The following MAPKAPK2 variants were observed in gnomAD, a reference collection of about 807,000 sequenced individuals.
MAPKAPK2 encodes the protein MAP kinase-activated protein kinase 2.
Under a neutral mutation model 48.8 loss-of-function variants are expected in MAPKAPK2, and 9 were observed. That is an observed-to-expected ratio of 0.18 (90% CI 0.11 to 0.32). The LOEUF (loss-of-function observed/expected upper bound fraction) is 0.32. MAPKAPK2 is among the 10% of genes least tolerant of loss of function. The pLI is 1.00. For missense variants in MAPKAPK2, 331 were observed against 498.3 expected (o/e 0.66, Z 3.20); for synonymous variants, 202 against 190.6 (o/e 1.06, Z -0.49).
intron 2 of MAPKAPK2, 64 bp downstream of exon 2, chr1:206,728,913 C>T: frequency 6.2e-7 from 1 of 1,612,022 alleles, no homozygotes; most frequent in Non-Finnish European, 8.5e-7. Flanking sequence ...GCACCTTACC[C>T]TCTGAGGACA....
chr1:206,729,227 G>A, intron 3 of MAPKAPK2, 128 bp downstream of exon 3: 1 of 1,181,494 alleles, frequency 8.5e-7, no homozygotes, highest in Non-Finnish European at 1.3e-6. Flanking sequence ...TGCTGCAAGG[G>A]GTGCCTCAGC....
At chr1:206,705,621 A>T (rs1461767325) in intron 1 of MAPKAPK2, among the ~76,000 whole-genome samples, 2 of 152,194 alleles carry the variant, frequency 1.3e-5, no homozygotes, top group Admixed American at 1.3e-4. Flanking sequence ...GGTGGGCTGG[A>T]TGCTTTCTCC....
chr1:206,685,394 G>C lies in MAPKAPK2; in HGVS notation c.165G>C (p.Lys55Asn), dbSNP rs1553425424. ...QFHVKSGLQI[K>N]KNAIIDDYKV... Reference sequence around the variant, plus strand: ...ACGTCAAGTCCGGCCTGCAGATCAAGAAGAACGCCATCATCGATGACTACA... The same window carrying C: ...ACGTCAAGTCCGGCCTGCAGATCAACAAGAACGCCATCATCGATGACTACA... The change falls in exon 1 of 10, where the codon AAG (lysine) becomes AAC (asparagine). Residue 55 changes from lysine (K) to asparagine (N), a missense_variant. By Grantham distance (94) the Lys-to-Asn change is moderately conservative. Coordinates refer to ENST00000367103, the MANE Select transcript of MAPKAPK2 (RefSeq NM_032960.4). 6.6e-7 allele frequency: 1 copy of C among 1,514,906 alleles called. No individual in the cohort carries two copies. Among genetic ancestry groups the C allele is most frequent in the African/African-American group, 1.4e-5 (1 of 69,258 alleles). 93.8% of individuals were successfully genotyped at this position (1,514,906 alleles called of 1,614,324 possible).
At position 206,686,152 on chromosome 1, in the gene MAPKAPK2, G is replaced by A. The variant is rs953472475; in HGVS notation, c.279+644G>A. On this transcript the variant is annotated intron_variant, in intron 1 of 9. Transcript: ENST00000367103. ...GATCCCGGAGCTGGCCCCCTCAGCT[G>A]GCCCCCTCCCACGCCCGCGCGGGGC... is the stretch of plus-strand genomic sequence containing the variant. Among the ~76,000 whole-genome samples the A allele has an allele frequency of 9.9e-5, 15 of 152,222 alleles. No individual in the cohort carries two copies. In the East Asian group the frequency reaches 2.9e-3, roughly 30 times the overall value.
intron 1 of MAPKAPK2, among the ~76,000 whole-genome samples, chr1:206,690,157 G>C (rs1322842371): frequency 6.6e-6 from 1 of 152,224 alleles, no homozygotes; most frequent in Admixed American, 6.5e-5. Flanking sequence ...TGTTTGAGGG[G>C]CATGAAGGTG....
chr1:206,691,283 C>A (rs1672446185), intron 1 of MAPKAPK2, among the ~76,000 whole-genome samples: 1 of 151,828 alleles, frequency 6.6e-6, no homozygotes, highest in Non-Finnish European at 1.5e-5. Context: ...GACTGTAGAC[C>A]TGGTGGAGCA....
intron 1 of MAPKAPK2, among the ~76,000 whole-genome samples, chr1:206,687,252 G>C (rs1278852745): frequency 1.3e-5 from 2 of 152,204 alleles, no homozygotes; most frequent in Admixed American, 1.3e-4. Flanking sequence ...CTGTTTAATA[G>C]ACACACGCAC....
chr1:206,686,647 C>A (rs1553425651), intron 1 of MAPKAPK2, among the ~76,000 whole-genome samples: 1 of 152,188 alleles, frequency 6.6e-6, no homozygotes, highest in East Asian at 1.9e-4. Flanking sequence ...CTTCAGCCCC[C>A]ACAGCGAGCT....
At chr1:206,711,140 T>G (rs1673128140) in intron 1 of MAPKAPK2, among the ~76,000 whole-genome samples, 1 of 152,268 alleles carries the variant, frequency 6.6e-6, no homozygotes. Flanking sequence ...TGAATACACA[T>G]GCACACATGC....
chr1:206,733,230 C>G lies in MAPKAPK2; in HGVS notation c.*512C>G, dbSNP rs1224473887. 1.2e-5 allele frequency: 2 copies of G among 161,190 alleles called. No homozygotes were observed. Among genetic ancestry groups the G allele is most frequent in the Admixed American group, 6.0e-5 (1 of 16,596 alleles). 10.0% of individuals were successfully genotyped at this position (161,190 alleles called of 1,614,324 possible). ...GAGGAGGATGCCACGCACTTCCTCT[C>G]TCGGAGCCCTCAGACATCTCCAGTG... On this transcript the variant is annotated 3_prime_UTR_variant, in exon 10 of 10. Transcript: ENST00000367103.
intron 1 of MAPKAPK2, among the ~76,000 whole-genome samples, chr1:206,701,830 CTAA>C (rs1317890960): frequency 1.1e-4 from 9 of 80,208 alleles, no homozygotes; most frequent in African/African-American, 3.2e-4. Flanking sequence ...GACCCTGTCT[CTAA>C]AAAAAAAAAA....
At position 206,731,446 on chromosome 1, in the gene MAPKAPK2, G is replaced by T. The variant is rs1230300929; in HGVS notation, c.892+184G>T. 4 of 1,255,160 alleles carry T rather than the reference G, an allele frequency of 3.2e-6. No homozygotes were observed. The highest frequency in any genetic ancestry group is 4.4e-6 in the Non-Finnish European group (4 of 898,878). 77.8% of individuals were successfully genotyped at this position (1,255,160 alleles called of 1,614,324 possible). A position where few individuals can be genotyped will look rare whatever the true frequency, so the allele number is the denominator to read the frequency against. On this transcript the variant is annotated intron_variant, in intron 7 of 9. Coordinates refer to ENST00000367103, the MANE Select transcript of MAPKAPK2 (RefSeq NM_032960.4). This position sits in a 1 kb window ranked among gnomAD's most constrained non-coding sequence, Gnocchi z 5.9. ...ATTTTGCCTGTGTGGAGGGCTGGAG[G>T]CAGGGCCAAGGCTGTGGGGCTGTGC...
intron 1 of MAPKAPK2, among the ~76,000 whole-genome samples, chr1:206,687,114 G>A (rs1015809958): frequency 6.6e-6 from 1 of 152,158 alleles, no homozygotes. Context: ...AGTGTTTGCT[G>A]TCCCCTCTGA....
intron 1 of MAPKAPK2, among the ~76,000 whole-genome samples, chr1:206,693,957 C>T (rs1351808372): frequency 6.6e-6 from 1 of 152,190 alleles, no homozygotes; most frequent in Non-Finnish European, 1.5e-5. Context: ...GTTTCTTCTA[C>T]CTCTTGACTG....
At chr1:206,716,886 G>A (rs1244401636) in intron 1 of MAPKAPK2, among the ~76,000 whole-genome samples, 1 of 151,744 alleles carries the variant, frequency 6.6e-6, no homozygotes, top group Admixed American at 6.6e-5. Flanking sequence ...GGAACATTTA[G>A]GGTGTTTCCT....
intron 1 of MAPKAPK2, among the ~76,000 whole-genome samples, chr1:206,691,200 G>A (rs1222477586): frequency 6.6e-6 from 1 of 152,080 alleles, no homozygotes; most frequent in African/African-American, 2.4e-5. Flanking sequence ...GTCAGCATCC[G>A]AGCCACATCT....
chr1:206,704,455 C>G lies in MAPKAPK2; in HGVS notation c.279+18947C>G, dbSNP rs1553428309. Among the ~76,000 whole-genome samples, 1 of 152,212 alleles carries G rather than the reference C, an allele frequency of 6.6e-6. No homozygotes were observed. The highest frequency in any genetic ancestry group is 2.4e-5 in the African/African-American group (1 of 41,460). ...TGATGGTTATGGTGGTGACTTCTCA[C>G]TGACTGCTGATGTGTACAGTACATT... On this transcript the variant is annotated intron_variant, in intron 1 of 9. Coordinates refer to ENST00000367103, the MANE Select transcript of MAPKAPK2 (RefSeq NM_032960.4). The surrounding 1 kb of genome is among the most constrained non-coding windows in gnomAD (Gnocchi z 4.3).
chr1:206,690,958 C>T (rs1672437820), intron 1 of MAPKAPK2, among the ~76,000 whole-genome samples: 2 of 152,186 alleles, frequency 1.3e-5, no homozygotes, highest in Admixed American at 1.3e-4. Context: ...TGTATCTTTC[C>T]AGATGGTTCT....
At chr1:206,695,756 ATC>A (rs549853933) in intron 1 of MAPKAPK2, 31,242 of 205,804 alleles carry the variant, frequency 0.15, 1,961 homozygotes, top group Middle Eastern at 0.23. Context: ...TGTGCAAGGC[ATC>A]TCTCTCTCTC....
Sources: gnomAD v4.1 joint callset for allele counts (sites outside exome capture counted in the v4.1 genomes callset) on GRCh38, gnomAD v4.1.1 for gene constraint, Gnocchi (gnomAD v3.1) non-coding constraint, MANE v1.5 for transcripts, NCBI Gene and HGNC (gene_info 2026-07-23, HGNC 2026-07-21) for gene names.